RAB23: variants seen among roughly 807,000 people sequenced by gnomAD.
The protein encoded by RAB23 is ras-related protein Rab-23.
In RAB23, 15 loss-of-function variants were observed where a neutral mutation model predicts 30.0. That is an observed-to-expected ratio of 0.50 (90% CI 0.33 to 0.77). RAB23 has a LOEUF of 0.77. Ranked by LOEUF, RAB23 falls within the 30% of genes least tolerant of loss-of-function variation. The probability of loss-of-function intolerance (pLI) is 0.02; values close to 1 mark genes in which losing one functional copy is unlikely to be tolerated. For synonymous variants in RAB23, 93 were observed against 94.0 expected (o/e 0.99, Z 0.06); for missense variants, 243 against 275.4 (o/e 0.88, Z 0.83).
chr6:57,216,749 C>T (rs1471795552), intron 1 of RAB23, among the ~76,000 whole-genome samples: 1 of 151,966 alleles, frequency 6.6e-6, no homozygotes, highest in East Asian at 1.9e-4. Flanking sequence ...TTATTCTTGA[C>T]TTTTCTGGGA....
At chr6:57,193,804 AC>A in intron 6 of RAB23, 37 bp downstream of exon 6, 21 of 1,606,088 alleles carry the variant, frequency 1.3e-5, no homozygotes, top group Non-Finnish European at 1.8e-5. Flanking sequence ...TTTTAACTTT[AC>A]CAAGTAAACA....
intron 6 of RAB23, among the ~76,000 whole-genome samples, chr6:57,191,723 T>TG (rs1391643088): frequency 2.0e-5 from 3 of 152,210 alleles, no homozygotes; most frequent in Non-Finnish European, 4.4e-5. Flanking sequence ...GTGCTAGGAT[T>TG]ACAGGCATGA....
chr6:57,191,901 C>A (rs1764855360), intron 6 of RAB23, among the ~76,000 whole-genome samples: 1 of 152,086 alleles, frequency 6.6e-6, no homozygotes, highest in Non-Finnish European at 1.5e-5. Context: ...GGCTGGAGTG[C>A]AGTGGTGCAA....
intron 3 of RAB23, among the ~76,000 whole-genome samples, chr6:57,199,344 C>T (rs1319851464): frequency 6.6e-6 from 1 of 152,168 alleles, no homozygotes. Flanking sequence ...CCCCAGTGGC[C>T]CACAGTGATA....
intron 3 of RAB23, among the ~76,000 whole-genome samples, chr6:57,201,089 T>G (rs1378666792): frequency 2.8e-5 from 4 of 143,844 alleles, no homozygotes; most frequent in African/African-American, 1.2e-4. Flanking sequence ...TCTCTCTCTT[T>G]TTTTTTTTTT....
rs1764696450 is a variant in RAB23, at chr6:57,188,435, A to C, written c.*2026T>G. 1 of 152,170 alleles carries C rather than the reference A, an allele frequency of 6.6e-6. No homozygotes were observed. The highest frequency in any genetic ancestry group is 2.4e-5 in the African/African-American group (1 of 41,460). The allele number at this position is 152,170 out of a possible 1,614,324, so 9.4% of individuals were successfully genotyped here. ...ACTATCCTCAGAGATTACTTTTTTT[A>C]AATATAGAAAGGTAACACGCTTTTA... On this transcript the variant is annotated 3_prime_UTR_variant, in exon 7 of 7. Transcript: ENST00000468148.
chr6:57,211,275 A>G (rs1443452308), intron 1 of RAB23, among the ~76,000 whole-genome samples: 2 of 151,762 alleles, frequency 1.3e-5, no homozygotes. Context: ...ACATATAGAG[A>G]CCCAGTTGCC....
At position 57,190,427 on chromosome 6, in the gene RAB23, C is replaced by T; in HGVS notation, c.*34G>A. On this transcript the variant is annotated 3_prime_UTR_variant, in exon 7 of 7. Transcript: ENST00000468148. Reference sequence around the variant, plus strand: ...TGGATGGGTTTCTTAATGCATTGCACAATGTAATTCAATTGTTTTCCTCCC... The same window carrying T: ...TGGATGGGTTTCTTAATGCATTGCATAATGTAATTCAATTGTTTTCCTCCC... 6.2e-7 allele frequency: 1 copy of T among 1,611,572 alleles called. No individual in the cohort carries two copies. Among genetic ancestry groups the T allele is most frequent in the African/African-American group, 1.3e-5 (1 of 74,966 alleles).
Position 57,210,299 on chromosome 6 carries a change from G to A in RAB23, c.82C>T (p.Arg28Ter), listed in dbSNP as rs765443042. 3.7e-5 allele frequency: 60 copies of A among 1,613,458 alleles called. No individual in the cohort carries two copies. The highest frequency in any genetic ancestry group is 4.7e-5 in the Non-Finnish European group (55 of 1,179,626). Residue 28 changes from arginine to a stop codon, truncating the protein, a stop_gained, in exon 2 of 7, where the codon CGA becomes TGA. Coordinates refer to ENST00000468148, the MANE Select transcript of RAB23 (RefSeq NM_016277.5). LOFTEE classifies it high-confidence loss of function. ...TTTGTAAAAATGCCTTTGCAATATC[G>A]CTGAATCATACTTGATTTTCCAACT... ...GAVGKSSMIQRYCKGIFTKDY... is the reference protein window; with the variant it reads ...GAVGKSSMIQ
intron 2 of RAB23, 47 bp downstream of exon 2, chr6:57,210,179 A>C: frequency 6.3e-7 from 1 of 1,582,988 alleles, no homozygotes; most frequent in Non-Finnish European, 8.7e-7. Context: ...AGTCTTGGAT[A>C]TAGTTCACAA....
chr6:57,188,267 A>ATTAT lies in RAB23; in HGVS notation c.*2190_*2193dup, dbSNP rs1281797060. On this transcript the variant is annotated 3_prime_UTR_variant, in exon 7 of 7. Coordinates refer to ENST00000468148, the MANE Select transcript of RAB23 (RefSeq NM_016277.5). ...CATGGCTGACTTTCAGGCCTACTTA[A>ATTAT]TTATTTTAAATGACTAATTATGGTT... is the stretch of plus-strand genomic sequence containing the variant. 5 of 152,262 alleles carry ATTAT rather than the reference A, an allele frequency of 3.3e-5. No homozygotes were observed. The highest frequency in any genetic ancestry group is 3.3e-4 in the Admixed American group (5 of 15,306). 9.4% of individuals were successfully genotyped at this position (152,262 alleles called of 1,614,324 possible). A position where few individuals can be genotyped will look rare whatever the true frequency, so the allele number is the denominator to read the frequency against.
At chr6:57,212,684 C>G (rs1333236554) in intron 1 of RAB23, among the ~76,000 whole-genome samples, 2 of 150,042 alleles carry the variant, frequency 1.3e-5, no homozygotes. Flanking sequence ...GGGTTCAAGA[C>G]CAGCCTGGGC....
chr6:57,202,377 T>C (rs1765301534), intron 3 of RAB23, among the ~76,000 whole-genome samples: 1 of 152,100 alleles, frequency 6.6e-6, no homozygotes, highest in Admixed American at 6.5e-5. Flanking sequence ...GTGGGAGTTG[T>C]GGTGGTGGCA....
chr6:57,217,399 C>T (rs537394149), intron 1 of RAB23, among the ~76,000 whole-genome samples: 44 of 152,228 alleles, frequency 2.9e-4, no homozygotes, highest in African/African-American at 1.1e-3. Context: ...GCAACCTCCC[C>T]CTCCCATGTT....
Position 57,188,487 on chromosome 6 carries a change from T to TAAC in RAB23, c.*1971_*1973dup, listed in dbSNP as rs572306750. ...CCACACAGCTAACATGAAAAAGAAC[T>TAAC]AACTAGAACACATATAACAAGTGAT... On this transcript the variant is annotated 3_prime_UTR_variant, in exon 7 of 7. Coordinates refer to ENST00000468148, the MANE Select transcript of RAB23 (RefSeq NM_016277.5). The TAAC allele has an allele frequency of 1.3e-5, 2 of 151,812 alleles. No homozygotes were observed. The highest frequency in any genetic ancestry group is 6.6e-5 in the Admixed American group (1 of 15,066). The allele number at this position is 151,812 out of a possible 1,614,324, so 9.4% of individuals were successfully genotyped here. A position where few individuals can be genotyped will look rare whatever the true frequency, so the allele number is the denominator to read the frequency against.
At position 57,188,793 on chromosome 6, in the gene RAB23, A is replaced by AATT. The variant is rs886061651; in HGVS notation, c.*1665_*1667dup. The AATT allele has an allele frequency of 5.3e-5, 8 of 152,320 alleles. No homozygotes were observed. The highest frequency in any genetic ancestry group is 1.0e-4 in the Non-Finnish European group (7 of 68,024). 9.4% of individuals were successfully genotyped at this position (152,320 alleles called of 1,614,324 possible). A position where few individuals can be genotyped will look rare whatever the true frequency, so the allele number is the denominator to read the frequency against. On this transcript the variant is annotated 3_prime_UTR_variant, in exon 7 of 7. Transcript: ENST00000468148. ...AATGAAAAGCAAAAATTTACTTTTTAATTTTTTTTATTTTTCCATCTAAAA... is the reference window on the plus strand; with the variant it reads ...AATGAAAAGCAAAAATTTACTTTTTAATTATTTTTTTTATTTTTCCATCTAAAA...
chr6:57,218,945 G>A (rs1554313465), intron 1 of RAB23, among the ~76,000 whole-genome samples: 1 of 151,936 alleles, frequency 6.6e-6, no homozygotes, highest in Non-Finnish European at 1.5e-5. Flanking sequence ...ACAAGGTAAG[G>A]ATATATATTC....
intron 1 of RAB23, among the ~76,000 whole-genome samples, chr6:57,212,438 C>A (rs1050819272): frequency 5.9e-5 from 9 of 152,138 alleles, no homozygotes; most frequent in Admixed American, 1.3e-4. Context: ...AAATCTCTTG[C>A]ACTTTTAGTT....
rs1039157200 is a variant in RAB23, at chr6:57,187,658, A to ACAT, written c.*2800_*2802dup. The ACAT allele has an allele frequency of 1.3e-5, 2 of 152,164 alleles. No individual in the cohort carries two copies. The highest frequency in any genetic ancestry group is 4.8e-5 in the African/African-American group (2 of 41,438). 9.4% of individuals were successfully genotyped at this position (152,164 alleles called of 1,614,324 possible). A position where few individuals can be genotyped will look rare whatever the true frequency, so the allele number is the denominator to read the frequency against. On this transcript the variant is annotated 3_prime_UTR_variant, in exon 7 of 7. Coordinates refer to ENST00000468148, the MANE Select transcript of RAB23 (RefSeq NM_016277.5). ...TAAAAGGGTCCAACACTAAGTTGGG[A>ACAT]CATTAGGTCCTAAGGCCAACTCCCT...
Sources: gnomAD v4.1 joint callset for allele counts (sites outside exome capture counted in the v4.1 genomes callset) on GRCh38, gnomAD v4.1.1 for gene constraint, MANE v1.5 for transcripts, NCBI Gene and HGNC (gene_info 2026-07-23, HGNC 2026-07-21) for gene names.